LRRC3B: variants seen among roughly 807,000 people sequenced by gnomAD.
LRRC3B encodes leucine-rich repeat-containing protein 3B.
A neutral mutation model predicts 12.8 loss-of-function variants in LRRC3B; 2 were observed. That is an observed-to-expected ratio of 0.16 (90% CI 0.06 to 0.49). LRRC3B has a LOEUF of 0.49. LRRC3B is among the 20% of genes least tolerant of loss of function. The probability of loss-of-function intolerance (pLI) is 0.96; values close to 1 mark genes in which losing one functional copy is unlikely to be tolerated. For synonymous variants in LRRC3B, 132 were observed against 122.0 expected (o/e 1.08, Z -0.54); for missense variants, 189 against 319.4 (o/e 0.59, Z 3.11).
intron 1 of LRRC3B, among the ~76,000 whole-genome samples, chr3:26,660,852 T>C (rs4973799): frequency 0.32 from 49,384 of 152,076 alleles, 9,335 homozygotes; most frequent in Middle Eastern, 0.46. Flanking sequence ...ACCTATTTCC[T>C]TATTTTTACA....
At chr3:26,671,374 A>ATAT (rs1491390109) in intron 1 of LRRC3B, among the ~76,000 whole-genome samples, 3 of 52,254 alleles carry the variant, frequency 5.7e-5, no homozygotes, top group African/African-American at 2.8e-4. Context: ...ATATATATAT[A>ATAT]GAGAGAGAGA....
intron 1 of LRRC3B, among the ~76,000 whole-genome samples, chr3:26,671,362 A>ATATG (rs1699731116): frequency 5.1e-5 from 4 of 77,950 alleles, no homozygotes; most frequent in African/African-American, 2.2e-4. Context: ...ATATATATAT[A>ATATG]TATATATATA....
At chr3:26,689,828 G>A (rs967258712) in intron 1 of LRRC3B, among the ~76,000 whole-genome samples, 1 of 152,196 alleles carries the variant, frequency 6.6e-6, no homozygotes, top group Non-Finnish European at 1.5e-5. Flanking sequence ...AGCTGTAACA[G>A]TCAGATGGTC....
intron 1 of LRRC3B, among the ~76,000 whole-genome samples, chr3:26,693,960 C>CA (rs1400834596): frequency 6.6e-6 from 1 of 152,054 alleles, no homozygotes; most frequent in East Asian, 1.9e-4. Flanking sequence ...TTTAATAAAA[C>CA]AAAAAATAAC....
rs1396286353 is a variant in LRRC3B at position 26,671,450 on chromosome 3, G to T, written c.-160-38063G>T. On this transcript the variant is annotated intron_variant, in intron 1 of 1. Coordinates refer to ENST00000396641, the Ensembl canonical transcript of LRRC3B. The stretch of plus-strand genomic sequence containing the variant: ...CTCTGTCGCCAGGCTGGAGTGCAGT[G>T]GCATGATCTCAGCTCACTGCAACCT... 4.4e-4 allele frequency among the ~76,000 whole-genome samples: 61 copies of T among 139,562 alleles called. 1 individual carries two copies. The highest frequency in any genetic ancestry group is 1.4e-4 in the Non-Finnish European group (9 of 65,242). 91.6% of individuals were successfully genotyped at this position (139,562 alleles called of 152,430 possible). A position where few individuals can be genotyped will look rare whatever the true frequency, so the allele number is the denominator to read the frequency against.
At chr3:26,707,199 GAAAAAAA>G (rs34703302) in intron 1 of LRRC3B, among the ~76,000 whole-genome samples, 3 of 129,988 alleles carry the variant, frequency 2.3e-5, no homozygotes, top group African/African-American at 9.2e-5. Flanking sequence ...TAAAAATACA[GAAAAAAA>G]AAAAAAAAAA....
intron 1 of LRRC3B, among the ~76,000 whole-genome samples, chr3:26,642,101 C>T (rs1333247303): frequency 2.6e-5 from 4 of 152,178 alleles, no homozygotes; most frequent in African/African-American, 4.8e-5. Context: ...CTTCATGTCT[C>T]GCTTAATAGA....
chr3:26,650,642 C>T (rs1260222109), intron 1 of LRRC3B, among the ~76,000 whole-genome samples: 1 of 152,208 alleles, frequency 6.6e-6, no homozygotes, highest in South Asian at 2.1e-4. Flanking sequence ...AATACCCCTT[C>T]TTTTCCAAAA....
chr3:26,708,494 CTGTT>C (rs1330237949), intron 1 of LRRC3B, among the ~76,000 whole-genome samples: 1 of 148,296 alleles, frequency 6.7e-6, no homozygotes, highest in Non-Finnish European at 1.5e-5. Context: ...ACACCTCAAT[CTGTT>C]TGACCTTGGG....
chr3:26,660,415 C>G (rs1171825139), intron 1 of LRRC3B, among the ~76,000 whole-genome samples: 2 of 152,124 alleles, frequency 1.3e-5, no homozygotes, highest in African/African-American at 2.4e-5. Context: ...AATTAAGTCT[C>G]TTAAATAAAT....
At chr3:26,683,866 C>CTTACT (rs1700020645) in intron 1 of LRRC3B, among the ~76,000 whole-genome samples, 1 of 152,182 alleles carries the variant, frequency 6.6e-6, no homozygotes, top group South Asian at 2.1e-4. Flanking sequence ...AATCTCTGTT[C>CTTACT]TTACTTTATA....
chr3:26,638,615 T>C (rs1453851011), intron 1 of LRRC3B, among the ~76,000 whole-genome samples: 1 of 152,222 alleles, frequency 6.6e-6, no homozygotes, highest in Non-Finnish European at 1.5e-5. Context: ...TGTAATTTAC[T>C]GGTTGTTAAC....
At chr3:26,660,087 T>C (rs555538030) in intron 1 of LRRC3B, among the ~76,000 whole-genome samples, 13 of 152,172 alleles carry the variant, frequency 8.5e-5, no homozygotes, top group East Asian at 7.7e-4. Flanking sequence ...GGAGAAAATA[T>C]AGGGCTCCCT....
chr3:26,705,892 T>C (rs561771313), intron 1 of LRRC3B, among the ~76,000 whole-genome samples: 1 of 152,240 alleles, frequency 6.6e-6, no homozygotes, highest in African/African-American at 2.4e-5. Flanking sequence ...ATAGAACCAG[T>C]ATCATAGAGT....
At chr3:26,668,162 T>C (rs1699647660) in intron 1 of LRRC3B, among the ~76,000 whole-genome samples, 1 of 152,164 alleles carries the variant, frequency 6.6e-6, no homozygotes, top group African/African-American at 2.4e-5. Context: ...TAGTTTTCTT[T>C]TTTCCCTGCA....
exon 2 of LRRC3B, chr3:26,709,881 A>G: frequency 6.2e-7 from 1 of 1,613,772 alleles, no homozygotes; most frequent in Non-Finnish European, 8.5e-7. Flanking sequence ...GTCTTACTGT[A>G]TCTGGACTCC....
exon 2 of LRRC3B, chr3:26,710,405 A>G (rs146155245): frequency 6.2e-7 from 1 of 1,613,798 alleles, no homozygotes; most frequent in Non-Finnish European, 8.5e-7. Context: ...CCTGCCAAGC[A>G]GGCAGAAGAA....
chr3:26,692,950 A>G (rs564995218), intron 1 of LRRC3B, among the ~76,000 whole-genome samples: 9 of 152,220 alleles, frequency 5.9e-5, no homozygotes, highest in Non-Finnish European at 1.3e-4. Flanking sequence ...TACCTCAGCT[A>G]GAACAACAGG....
chr3:26,691,105 G>GTATATATATGTA (rs1553605093), intron 1 of LRRC3B, among the ~76,000 whole-genome samples: 2 of 84,850 alleles, frequency 2.4e-5, no homozygotes, highest in Non-Finnish European at 4.4e-5. Context: ...GTGTGTGTGT[G>GTATATATATGTA]TATATATATA....
Sources: allele counts gnomAD v4.1 joint callset (sites outside exome capture counted in the v4.1 genomes callset), GRCh38; gene constraint gnomAD v4.1.1; transcripts MANE v1.5; gene names NCBI Gene and HGNC (gene_info 2026-07-23, HGNC 2026-07-21).